The following USP6NL variants were observed in gnomAD, a reference collection of about 807,000 sequenced individuals.
The protein encoded by USP6NL is USP6 N-terminal like, also known as USP6 N-terminal-like protein.
A neutral mutation model predicts 61.9 loss-of-function variants in USP6NL; 26 were observed. The ratio of observed to expected loss-of-function variants is 0.42; its 90% CI spans 0.31 to 0.58. The LOEUF (loss-of-function observed/expected upper bound fraction) is 0.58, where lower values mean the gene tolerates loss of function less well. USP6NL is among the 20% of genes least tolerant of loss of function. USP6NL has a pLI of 0.16. For synonymous variants in USP6NL, 432 were observed against 390.1 expected (o/e 1.11, Z -1.27); for missense variants, 1,114 against 1,034.3 (o/e 1.08, Z -1.06).
chr10:11,529,615 T>A (rs1461797856), intron 2 of USP6NL, among the ~76,000 whole-genome samples: 1 of 152,202 alleles, frequency 6.6e-6, no homozygotes, highest in African/African-American at 2.4e-5. Context: ...ACAGAATGAT[T>A]CAATAAAATA....
At position 11,491,020 on chromosome 10, in the gene USP6NL, T is replaced by A. The variant is rs985755374; in HGVS notation, c.495-140A>T. Reference sequence around the variant, plus strand: ...ACTAATGTAATAAATTATCCCAAGTTCAAATTCAAACAACACTCTAAAAAG... The same window carrying A: ...ACTAATGTAATAAATTATCCCAAGTACAAATTCAAACAACACTCTAAAAAG... On this transcript the variant is annotated intron_variant, in intron 8 of 14. Coordinates refer to ENST00000609104, the MANE Select transcript of USP6NL (RefSeq NM_014688.5). This position sits in a 1 kb window ranked among gnomAD's most constrained non-coding sequence, Gnocchi z 4.7. The A allele has an allele frequency of 4.3e-5, 31 of 718,508 alleles. No homozygotes were observed. The highest frequency in any genetic ancestry group is 4.3e-4 in the Middle Eastern group (1 of 2,342). The allele number at this position is 718,508 out of a possible 1,614,324, so 44.5% of individuals were successfully genotyped here. A position where few individuals can be genotyped will look rare whatever the true frequency, so the allele number is the denominator to read the frequency against.
intron 7 of USP6NL, among the ~76,000 whole-genome samples, chr10:11,494,840 C>G (rs1327493610): frequency 2.0e-5 from 3 of 152,140 alleles, no homozygotes; most frequent in Admixed American, 6.5e-5. Flanking sequence ...GCCAGGTGTA[C>G]AGGATGGAAC....
chr10:11,504,103 C>G (rs1218058799), intron 6 of USP6NL, among the ~76,000 whole-genome samples: 1 of 152,128 alleles, frequency 6.6e-6, no homozygotes, highest in Non-Finnish European at 1.5e-5. Flanking sequence ...AAAACATGAA[C>G]ACAAAATCAC....
intron 1 of USP6NL, among the ~76,000 whole-genome samples, chr10:11,609,138 C>T (rs1001597646): frequency 3.3e-5 from 5 of 152,170 alleles, no homozygotes; most frequent in Non-Finnish European, 7.3e-5. Context: ...GATCTCCGCT[C>T]ACTGCAACCT....
Position 11,518,704 on chromosome 10 carries a change from C to CATTTCAT in USP6NL, c.156-131_156-130insATGAAAT. ...CACAAGAGTTACATAGGCTTCCATT[C>CATTTCAT]ATTGAATTCAATATGAAATGATAGC... On this transcript the variant is annotated intron_variant, in intron 4 of 14. Coordinates refer to ENST00000609104, the MANE Select transcript of USP6NL (RefSeq NM_014688.5). This position sits in a 1 kb window ranked among gnomAD's most constrained non-coding sequence, Gnocchi z 5.3. 1.5e-6 allele frequency: 1 copy of CATTTCAT among 672,538 alleles called. No individual in the cohort carries two copies. The highest frequency in any genetic ancestry group is 2.4e-6 in the Non-Finnish European group (1 of 409,494). The allele number at this position is 672,538 out of a possible 1,614,324, so 41.7% of individuals were successfully genotyped here.
rs146927883 is a variant in USP6NL at position 11,468,639 on chromosome 10, G to C, written c.1079-4790C>G. 1.0e-3 allele frequency among the ~76,000 whole-genome samples: 152 copies of C among 152,356 alleles called. 3 individuals carry two copies. In the East Asian group the frequency reaches 0.024, roughly 25 times the overall value. On this transcript the variant is annotated intron_variant, in intron 14 of 14. Coordinates refer to ENST00000609104, the MANE Select transcript of USP6NL (RefSeq NM_014688.5). This position sits in a 1 kb window ranked among gnomAD's most constrained non-coding sequence, Gnocchi z 4.5. ...CAGGAAACAATAAACTGTAGCGTGG[G>C]AGTGGAGGGGAGGAGGTGTGGGAAA...
rs149997732 is a variant in USP6NL at position 11,467,227 on chromosome 10, G to C, written c.1079-3378C>G. Among the ~76,000 whole-genome samples the C allele has an allele frequency of 8.6e-3, 1,313 of 152,314 alleles. 15 individuals are homozygous for C. The highest frequency in any genetic ancestry group is 0.03 in the African/African-American group (1,264 of 41,560). ...AGGTAAAGAACTCTCAAAGGAAATGGAGGATGCCCTATATAGAAAAATTAA... is the reference window on the plus strand; with the variant it reads ...AGGTAAAGAACTCTCAAAGGAAATGCAGGATGCCCTATATAGAAAAATTAA... On this transcript the variant is annotated intron_variant, in intron 14 of 14. Coordinates refer to ENST00000609104, the MANE Select transcript of USP6NL (RefSeq NM_014688.5).
chr10:11,462,639 T>A lies in USP6NL; in HGVS notation c.2289A>T (p.Lys763Asn). ...AGGGTGCGAGTTGAAAGGCTGAGTA[T>A]TTTGGTAAATTGCCACGGCTAGCAT... ...TRDASRGNLP[K>N]YSAFQLAPFQ... The change falls in exon 15 of 15, where the codon AAA becomes AAT. Residue 763 changes from lysine to asparagine, a missense_variant. By Grantham distance (94) the Lys-to-Asn change is moderately conservative (BLOSUM62 0). Coordinates refer to ENST00000609104, the MANE Select transcript of USP6NL (RefSeq NM_014688.5). 1 of 1,614,034 alleles carries A rather than the reference T, an allele frequency of 6.2e-7. No individual in the cohort carries two copies. Among genetic ancestry groups the A allele is most frequent in the Non-Finnish European group, 8.5e-7 (1 of 1,179,904 alleles).
rs1045296214 is a variant in USP6NL, at chr10:11,490,936, T to G, written c.495-56A>C. ...TTAGTAATTTCACATATTTTAAAAA[T>G]TACAAACTTAAAAAAATAAACCAAA... On this transcript the variant is annotated intron_variant, in intron 8 of 14. Coordinates refer to ENST00000609104, the MANE Select transcript of USP6NL (RefSeq NM_014688.5). The surrounding 1 kb of genome is among the most constrained non-coding windows in gnomAD (Gnocchi z 4.5). 3 of 1,432,096 alleles carry G rather than the reference T, an allele frequency of 2.1e-6. No individual in the cohort carries two copies. The highest frequency in any genetic ancestry group is 2.8e-6 in the Non-Finnish European group (3 of 1,066,958). 88.7% of individuals were successfully genotyped at this position (1,432,096 alleles called of 1,614,324 possible).
intron 14 of USP6NL, among the ~76,000 whole-genome samples, chr10:11,466,354 T>G (rs1324098521): frequency 6.6e-6 from 1 of 152,208 alleles, no homozygotes; most frequent in South Asian, 2.1e-4. Flanking sequence ...TGTACTGCCC[T>G]CCCTTTAGAG....
chr10:11,548,736 T>C lies in USP6NL; in HGVS notation c.5-21169A>G, dbSNP rs1836371831. On this transcript the variant is annotated intron_variant, in intron 2 of 14. Transcript: ENST00000609104. This position sits in a 1 kb window ranked among gnomAD's most constrained non-coding sequence, Gnocchi z 4.3. ...GTCTATCAATCAATTATAAAATCTA[T>C]ATATGACCTATATCCTCCAACCATC... Among the ~76,000 whole-genome samples the C allele has an allele frequency of 1.3e-5, 2 of 152,180 alleles. No homozygotes were observed. The highest frequency in any genetic ancestry group is 2.1e-4 in the South Asian group (1 of 4,836).
Position 11,495,192 on chromosome 10 carries a change from T to C in USP6NL, c.385-1964A>G, listed in dbSNP as rs1032441652. Among the ~76,000 whole-genome samples the C allele has an allele frequency of 1.3e-5, 2 of 152,246 alleles. No homozygotes were observed. The highest frequency in any genetic ancestry group is 4.8e-5 in the African/African-American group (2 of 41,470). Reference sequence around the variant, plus strand: ...CTTGTCTTCTGGTCACTTCTCACTGTGTCCCCTCAGCTCCTATCTCTGTAT... The same window carrying C: ...CTTGTCTTCTGGTCACTTCTCACTGCGTCCCCTCAGCTCCTATCTCTGTAT... On this transcript the variant is annotated intron_variant, in intron 7 of 14. Coordinates refer to ENST00000609104, the MANE Select transcript of USP6NL (RefSeq NM_014688.5). The surrounding 1 kb of genome is among the most constrained non-coding windows in gnomAD (Gnocchi z 4.6).
chr10:11,562,261 C>CAAAAAA lies in USP6NL; in HGVS notation c.5-34700_5-34695dup. 3.0e-5 allele frequency: 10 copies of CAAAAAA among 329,588 alleles called. No individual in the cohort carries two copies. Among genetic ancestry groups the CAAAAAA allele is most frequent in the East Asian group, 2.1e-4 (1 of 4,822 alleles). 20.4% of individuals were successfully genotyped at this position (329,588 alleles called of 1,614,324 possible). A position where few individuals can be genotyped will look rare whatever the true frequency, so the allele number is the denominator to read the frequency against. On this transcript the variant is annotated intron_variant, in intron 2 of 14. Coordinates refer to ENST00000609104, the MANE Select transcript of USP6NL (RefSeq NM_014688.5). This position sits in a 1 kb window ranked among gnomAD's most constrained non-coding sequence, Gnocchi z 4.8. ...TGGCGGACAGTGCAAGACTCCATCT[C>CAAAAAA]AAAAAAAAAAAAAAAAAATTGCATT...
chr10:11,507,901 T>C lies in USP6NL; in HGVS notation c.276+1694A>G, dbSNP rs571072805. ...TTCCCAAGGTCATATGGCTAGGAAG[T>C]GGCAGAGCTGGGGTTTGACCCATGA... On this transcript the variant is annotated intron_variant, in intron 6 of 14. Coordinates refer to ENST00000609104, the MANE Select transcript of USP6NL (RefSeq NM_014688.5). Among the ~76,000 whole-genome samples, 152 of 152,314 alleles carry C rather than the reference T, an allele frequency of 1.0e-3. 1 individual carries two copies. The highest frequency in any genetic ancestry group is 3.5e-3 in the African/African-American group (144 of 41,556).
intron 2 of USP6NL, among the ~76,000 whole-genome samples, chr10:11,584,246 C>G (rs577362761): frequency 2.0e-5 from 3 of 152,104 alleles, no homozygotes; most frequent in Non-Finnish European, 4.4e-5. Context: ...TGTGTATAGC[C>G]TTGGAATAAA....
rs901071967 is a variant in USP6NL at position 11,596,384 on chromosome 10, G to A, written c.4+1247C>T. 4.6e-5 allele frequency among the ~76,000 whole-genome samples: 7 copies of A among 152,144 alleles called. No individual in the cohort carries two copies. Among genetic ancestry groups the A allele is most frequent in the Admixed American group, 2.6e-4 (4 of 15,270 alleles). ...CGCCTGTAATCCCAGCATTTTGGGAGGCTGAGGCGGGCGGATCACAAGGTC... is the reference window on the plus strand; with the variant it reads ...CGCCTGTAATCCCAGCATTTTGGGAAGCTGAGGCGGGCGGATCACAAGGTC... On this transcript the variant is annotated intron_variant, in intron 2 of 14. Transcript: ENST00000609104. The surrounding 1 kb of genome is among the most constrained non-coding windows in gnomAD (Gnocchi z 4.1).
At chr10:11,556,896 T>C (rs1271291453) in intron 2 of USP6NL, among the ~76,000 whole-genome samples, 2 of 152,184 alleles carry the variant, frequency 1.3e-5, no homozygotes, top group African/African-American at 4.8e-5. Flanking sequence ...TTTGAGTCTA[T>C]CAATCTAGCT....
At chr10:11,533,842 A>AT (rs1234784129) in intron 2 of USP6NL, among the ~76,000 whole-genome samples, 1 of 152,216 alleles carries the variant, frequency 6.6e-6, no homozygotes, top group East Asian at 1.9e-4. Flanking sequence ...TGAAAAAAGA[A>AT]TTTGAGAGTA....
chr10:11,562,350 A>C lies in USP6NL; in HGVS notation c.5-34783T>G. On this transcript the variant is annotated intron_variant, in intron 2 of 14. Transcript: ENST00000609104. The surrounding 1 kb of genome is among the most constrained non-coding windows in gnomAD (Gnocchi z 4.8). ...CAGTTCCGGCTGATGGCTTAAGGAA[A>C]AGCTTTTGCATTCCTTACACAGGTG... 1.0e-6 allele frequency: 1 copy of C among 980,886 alleles called. No individual in the cohort carries two copies. Among genetic ancestry groups the C allele is most frequent in the Non-Finnish European group, 1.2e-6 (1 of 825,946 alleles). 60.8% of individuals were successfully genotyped at this position (980,886 alleles called of 1,614,324 possible).
Sources: gnomAD v4.1 joint callset for allele counts (sites outside exome capture counted in the v4.1 genomes callset) on GRCh38, gnomAD v4.1.1 for gene constraint, Gnocchi (gnomAD v3.1) non-coding constraint, MANE v1.5 for transcripts, NCBI Gene and HGNC (gene_info 2026-07-23, HGNC 2026-07-21) for gene names.